The following THAP4 variants were observed in gnomAD, a reference collection of about 807,000 sequenced individuals.
The protein encoded by THAP4 is THAP domain containing 4, also known as peroxynitrite isomerase THAP4.
In THAP4, 18 loss-of-function variants were observed where a neutral mutation model predicts 48.1. That is an observed-to-expected ratio of 0.37 (90% CI 0.26 to 0.56). THAP4 has a LOEUF of 0.56. THAP4 is among the 20% of genes least tolerant of loss of function. THAP4 has a pLI of 0.78. For missense variants in THAP4, 656 were observed against 774.9 expected (o/e 0.85, Z 1.82); for synonymous variants, 345 against 324.9 (o/e 1.06, Z -0.66).
intron 1 of THAP4, among the ~76,000 whole-genome samples, chr2:241,634,845 A>T (rs1354075734): frequency 6.6e-6 from 1 of 152,054 alleles, no homozygotes; most frequent in African/African-American, 2.4e-5. Flanking sequence ...AAATCAACCA[A>T]CTCAGATGAT....
At position 241,634,032 on chromosome 2, in the gene THAP4, A is replaced by G; in HGVS notation, c.125T>C (p.Val42Ala). 6.2e-7 allele frequency: 1 copy of G among 1,612,520 alleles called. No individual in the cohort carries two copies. Among genetic ancestry groups the G allele is most frequent in the Non-Finnish European group, 8.5e-7 (1 of 1,179,272 alleles). ...SKRLIQWLKA[V>A]QRDNWTPTKY... The stretch of plus-strand genomic sequence containing the variant: ...AGTGGGAGTCCAGTTATCCCTCTGA[A>G]CAGCTTTTAACCATTGGATTAGACG... The change falls in exon 2 of 6, where the codon GTT (valine) becomes GCT (alanine). Residue 42 changes from valine (V) to alanine (A), a missense_variant. Physicochemically the swap from Val to Ala is moderately conservative, Grantham distance 64 (BLOSUM62 0). Coordinates refer to ENST00000407315, the MANE Select transcript of THAP4 (RefSeq NM_015963.6).
At chr2:241,631,116 A>C (rs1352655525) in intron 2 of THAP4, among the ~76,000 whole-genome samples, 2 of 152,216 alleles carry the variant, frequency 1.3e-5, no homozygotes, top group Non-Finnish European at 2.9e-5. Flanking sequence ...CAAGAATCCG[A>C]AAATCTAGAT....
intron 2 of THAP4, chr2:241,617,335 CA>C: frequency 8.7e-7 from 1 of 1,147,340 alleles, no homozygotes; most frequent in Non-Finnish European, 1.3e-6. Context: ...AACCAAAACA[CA>C]AAAACAAAAA....
In THAP4 at chr2:241,598,421, A is replaced by C. The variant is rs148175714; in HGVS notation, c.1614+3475T>G. Among the ~76,000 whole-genome samples the C allele has an allele frequency of 1.5e-3, 229 of 152,314 alleles. 7 individuals are homozygous for C. The East Asian group carries it at 0.043, about 29-fold the overall frequency. On this transcript the variant is annotated intron_variant, in intron 5 of 5. Coordinates refer to ENST00000407315, the MANE Select transcript of THAP4 (RefSeq NM_015963.6). Reference sequence around the variant, plus strand: ...TCATGACAACTCAGGGTTATCCCCCAAAAACAACCATGATCCAACACTGAT... The same window carrying C: ...TCATGACAACTCAGGGTTATCCCCCCAAAACAACCATGATCCAACACTGAT...
intron 5 of THAP4, among the ~76,000 whole-genome samples, chr2:241,586,024 G>A (rs1481466540): frequency 6.6e-6 from 1 of 151,406 alleles, no homozygotes; most frequent in Non-Finnish European, 1.5e-5. Flanking sequence ...GGGAGGCCGA[G>A]GCGGGCGGAT....
chr2:241,626,883 CT>C (rs532375979), intron 2 of THAP4, among the ~76,000 whole-genome samples: 186 of 152,284 alleles, frequency 1.2e-3, no homozygotes, highest in African/African-American at 4.3e-3. Context: ...TTTTGAACAA[CT>C]TTATATTGTG....
chr2:241,606,011 C>T (rs1028940834), intron 3 of THAP4, among the ~76,000 whole-genome samples: 2 of 152,192 alleles, frequency 1.3e-5, no homozygotes, highest in Non-Finnish European at 2.9e-5. Flanking sequence ...CCGCACTGGC[C>T]AGGGTGATTA....
intron 2 of THAP4, among the ~76,000 whole-genome samples, chr2:241,623,991 A>C (rs1351758374): frequency 6.6e-6 from 1 of 152,156 alleles, no homozygotes; most frequent in African/African-American, 2.4e-5. Flanking sequence ...CCACAGGTTA[A>C]GGGCTCAGTC....
chr2:241,636,833 C>A, intron 1 of THAP4, 108 bp downstream of exon 1: 1 of 569,576 alleles, frequency 1.8e-6, no homozygotes, highest in Non-Finnish European at 2.2e-6. Flanking sequence ...GCGCCCCGGC[C>A]GCCGAGGCCC....
intron 2 of THAP4, among the ~76,000 whole-genome samples, chr2:241,611,237 C>T (rs1042107531): frequency 6.6e-6 from 1 of 152,146 alleles, no homozygotes; most frequent in Non-Finnish European, 1.5e-5. Context: ...GAGCCCTGGA[C>T]TTGGGAAGCC....
At position 241,633,193 on chromosome 2, in the gene THAP4, C is replaced by T. The variant is rs758983149; in HGVS notation, c.964G>A (p.Asp322Asn). The change falls in exon 2 of 6, where the codon GAC becomes AAC. Residue 322 changes from aspartate (D) to asparagine (N), a missense_variant. Around this residue, in one of 4 missense-constraint regions of THAP4, gnomAD observed 391 missense variants for 412.4 expected, o/e 0.95. Transcript: ENST00000407315. The surrounding 1 kb of genome is among the most constrained non-coding windows in gnomAD (Gnocchi z 7.5). ...TCGTTGATGGACATGGGGCTGGCGT[C>T]GCTGTGCTCGCTCTGCACGGCTTCC... ...ATEAVQSEHS[D>N]ASPMSINEVI... 13 of 1,608,204 alleles carry T rather than the reference C, an allele frequency of 8.1e-6. No individual in the cohort carries two copies. The highest frequency in any genetic ancestry group is 2.2e-5 in the East Asian group (1 of 44,780).
chr2:241,585,946 A>AGAAAAAG (rs2066891108), intron 5 of THAP4, among the ~76,000 whole-genome samples: 1 of 148,748 alleles, frequency 6.7e-6, no homozygotes, highest in African/African-American at 2.5e-5. Context: ...AAAAAGAAAA[A>AGAAAAAG]GAAAAAGAAA....
At position 241,633,640 on chromosome 2, in the gene THAP4, G is replaced by A. The variant is rs1362930010; in HGVS notation, c.517C>T (p.Arg173Trp). ...SQEQAQQALE[R>W]TPGDGLATMV... Reference sequence around the variant, plus strand: ...GTGGCCAGTCCATCTCCTGGAGTCCGTTCCAGAGCTTGCTGGGCCTGCTCC... The same window carrying A: ...GTGGCCAGTCCATCTCCTGGAGTCCATTCCAGAGCTTGCTGGGCCTGCTCC... Residue 173 changes from arginine to tryptophan, a missense_variant, in exon 2 of 6, where the codon CGG (arginine) becomes TGG (tryptophan). Around this residue, in one of 4 missense-constraint regions of THAP4, gnomAD observed 391 missense variants for 412.4 expected, o/e 0.95. Transcript: ENST00000407315. This position sits in a 1 kb window ranked among gnomAD's most constrained non-coding sequence, Gnocchi z 7.5. 3.0e-5 allele frequency: 49 copies of A among 1,612,492 alleles called. No individual in the cohort carries two copies. The highest frequency in any genetic ancestry group is 4.1e-5 in the Non-Finnish European group (48 of 1,179,960).
In THAP4 at chr2:241,584,458, A is replaced by G. The variant is rs2066866230; in HGVS notation, c.*148T>C. On this transcript the variant is annotated 3_prime_UTR_variant, in exon 6 of 6. Coordinates refer to ENST00000407315, the MANE Select transcript of THAP4 (RefSeq NM_015963.6). Reference sequence around the variant, plus strand: ...TAAAGGCCTTTTATTTGGTTTTTCTATGCCAGTACAGAAACATCTGGACAA... The same window carrying G: ...TAAAGGCCTTTTATTTGGTTTTTCTGTGCCAGTACAGAAACATCTGGACAA... 6 of 801,746 alleles carry G rather than the reference A, an allele frequency of 7.5e-6. No homozygotes were observed. The South Asian group carries it at 8.9e-5, about 12-fold the overall frequency. The allele number at this position is 801,746 out of a possible 1,614,324, so 49.7% of individuals were successfully genotyped here.
At chr2:241,589,212 CA>C (rs765239066) in intron 5 of THAP4, among the ~76,000 whole-genome samples, 77 of 110,752 alleles carry the variant, frequency 7.0e-4, no homozygotes, top group Middle Eastern at 5.6e-3. Context: ...AACAATGTCT[CA>C]AAAAAAAAAA....
intron 2 of THAP4, among the ~76,000 whole-genome samples, chr2:241,608,971 C>G (rs192394820): frequency 6.6e-6 from 1 of 152,224 alleles, no homozygotes; most frequent in African/African-American, 2.4e-5. Flanking sequence ...TGGAGAGGAA[C>G]AGGAGGCCAG....
rs148342323 is a variant in THAP4 at position 241,584,527 on chromosome 2, C to T, written c.*79G>A. 9.3e-5 allele frequency: 143 copies of T among 1,533,150 alleles called. No individual in the cohort carries two copies. In the African/African-American group the frequency reaches 1.3e-3, roughly 14 times the overall value. 95.0% of individuals were successfully genotyped at this position (1,533,150 alleles called of 1,614,324 possible). A position where few individuals can be genotyped will look rare whatever the true frequency, so the allele number is the denominator to read the frequency against. The stretch of plus-strand genomic sequence containing the variant: ...GGCTCACGGCCACACCCACTTCTGC[C>T]GCAGGGACTGTCTGTTGAGGAGCCG... On this transcript the variant is annotated 3_prime_UTR_variant, in exon 6 of 6. Coordinates refer to ENST00000407315, the MANE Select transcript of THAP4 (RefSeq NM_015963.6).
At position 241,633,405 on chromosome 2, in the gene THAP4, A is replaced by G; in HGVS notation, c.752T>C (p.Val251Ala). Reference protein sequence around the residue: ...SSKHTRERPSVPREPIDRKRL... With the variant: ...SSKHTRERPSAPREPIDRKRL... ...CTTGCGGTCAATGGGCTCTCGGGGG[A>G]CAGATGGCCTTTCTCGGGTGTGCTT... is the stretch of plus-strand genomic sequence containing the variant. The change falls in exon 2 of 6, where the codon GTC becomes GCC. Residue 251 changes from valine (V) to alanine (A), a missense_variant. Val to Ala is a moderately conservative substitution (Grantham distance 64). Around this residue, in one of 4 missense-constraint regions of THAP4, gnomAD observed 391 missense variants for 412.4 expected, o/e 0.95. Transcript: ENST00000407315. The surrounding 1 kb of genome is among the most constrained non-coding windows in gnomAD (Gnocchi z 7.5). 1.2e-6 allele frequency: 2 copies of G among 1,612,886 alleles called. No homozygotes were observed. The highest frequency in any genetic ancestry group is 1.7e-6 in the Non-Finnish European group (2 of 1,179,802).
intron 5 of THAP4, among the ~76,000 whole-genome samples, chr2:241,591,065 G>A (rs71430368): frequency 1.7e-4 from 24 of 143,770 alleles, no homozygotes; most frequent in Middle Eastern, 3.7e-3. Flanking sequence ...GACACTCAGA[G>A]CTGCTCGGCT....
Sources: gnomAD v4.1 joint callset for allele counts (sites outside exome capture counted in the v4.1 genomes callset) on GRCh38, gnomAD v4.1.1 for gene constraint, gnomAD v4.1.1 regional missense constraint, Gnocchi (gnomAD v3.1) non-coding constraint, MANE v1.5 for transcripts, NCBI Gene and HGNC (gene_info 2026-07-23, HGNC 2026-07-21) for gene names.